The following HMGCLL1 variants were observed in gnomAD, a reference collection of about 807,000 sequenced individuals.
HMGCLL1 encodes the protein 3-hydroxy-3-methylglutaryl-CoA lyase like 1, also known as 3-hydroxymethyl-3-methylglutaryl-CoA lyase, cytoplasmic.
A neutral mutation model predicts 39.1 loss-of-function variants in HMGCLL1; 36 were observed. The ratio of observed to expected loss-of-function variants is 0.92; its 90% CI spans 0.71 to 1.22. The LOEUF (loss-of-function observed/expected upper bound fraction) is 1.22. Among genes scored for constraint, HMGCLL1 ranks in the 50% most tolerant of loss-of-function variants. HMGCLL1 has a pLI of 0.00. For synonymous variants in HMGCLL1, 149 were observed against 144.0 expected, an observed-to-expected ratio of 1.03 and a Z score of -0.25; for missense variants, 451 against 416.5, an observed-to-expected ratio of 1.08 and a Z score of -0.72.
At chr6:55,648,567 A>G in the HMGCLL1 span, among the ~76,000 whole-genome samples, 1 of 75,066 alleles carries the variant, frequency 1.3e-5, no homozygotes, top group Admixed American at 1.5e-4. Flanking sequence ...ACAAACTACC[A>G]TCAGAGAATA....
chr6:55,656,992 T>A, the HMGCLL1 span, among the ~76,000 whole-genome samples: 1 of 151,948 alleles, frequency 6.6e-6, no homozygotes, highest in African/African-American at 2.4e-5. Context: ...AATTTGCTGA[T>A]GAATTAAATA....
At chr6:55,604,544 A>G in the HMGCLL1 span, among the ~76,000 whole-genome samples, 1 of 152,148 alleles carries the variant, frequency 6.6e-6, no homozygotes, top group Admixed American at 6.6e-5. Context: ...AATTTTTGAA[A>G]GTTAGTATAT....
intron 1 of HMGCLL1, among the ~76,000 whole-genome samples, chr6:55,565,480 T>G (rs1423108922): frequency 6.6e-6 from 1 of 152,144 alleles, no homozygotes; most frequent in Non-Finnish European, 1.5e-5. Context: ...TCCCATGTGA[T>G]GTAAGTTGCA....
At chr6:55,477,254 A>ATT (rs1765402054) in intron 7 of HMGCLL1, among the ~76,000 whole-genome samples, 1 of 25,992 alleles carries the variant, frequency 3.8e-5, no homozygotes, top group African/African-American at 2.5e-4. Context: ...TATAATATAT[A>ATT]ATATATATTA....
At chr6:55,586,136 T>C in the HMGCLL1 span, among the ~76,000 whole-genome samples, 2 of 152,220 alleles carry the variant, frequency 1.3e-5, no homozygotes, top group South Asian at 4.1e-4. Context: ...TAGGGAAATA[T>C]AATGTTGCTT....
chr6:55,508,953 C>T (rs2127433016), intron 5 of HMGCLL1, among the ~76,000 whole-genome samples: 1 of 151,878 alleles, frequency 6.6e-6, no homozygotes, highest in East Asian at 1.9e-4. Flanking sequence ...CATATTCTTA[C>T]CTCAAAATGT....
In HMGCLL1 at chr6:55,493,236, T is replaced by G. The variant is rs144951465; in HGVS notation, c.795+2183A>C. The stretch of plus-strand genomic sequence containing the variant: ...AACCCTAAACCCACAAAACGTTGTG[T>G]AGTATAAAGAGATACATCCTATTTC... On this transcript the variant is annotated intron_variant, in intron 7 of 8. Transcript: ENST00000274901. Among the ~76,000 whole-genome samples the G allele has an allele frequency of 5.5e-3, 837 of 152,220 alleles. 10 individuals carry two copies. Among genetic ancestry groups the G allele is most frequent in the South Asian group, 0.033 (158 of 4,816 alleles).
intron 3 of HMGCLL1, among the ~76,000 whole-genome samples, chr6:55,521,820 A>G (rs1412780914): frequency 2.0e-5 from 3 of 152,064 alleles, no homozygotes; most frequent in South Asian, 4.1e-4. Context: ...AGACTCACAT[A>G]TCTCTCACTT....
intron 1 of HMGCLL1, among the ~76,000 whole-genome samples, chr6:55,554,889 T>G (rs1235878697): frequency 6.6e-6 from 1 of 152,224 alleles, no homozygotes. Flanking sequence ...ATCAGATCTA[T>G]CAGCAGATCA....
Position 55,563,986 on chromosome 6 carries a change from C to G in HMGCLL1, c.108+14962G>C, listed in dbSNP as rs901157991. 4.4e-6 allele frequency: 3 copies of G among 679,252 alleles called. No individual in the cohort carries two copies. In the Admixed American group the frequency reaches 7.1e-5, roughly 16 times the overall value. 42.1% of individuals were successfully genotyped at this position (679,252 alleles called of 1,614,324 possible). A position where few individuals can be genotyped will look rare whatever the true frequency, so the allele number is the denominator to read the frequency against. On this transcript the variant is annotated intron_variant, in intron 1 of 8. Coordinates refer to ENST00000274901, the MANE Select transcript of HMGCLL1 (RefSeq NM_001042406.2). ...CTTCTGGCTACCTCAACATTCAGCACGTGCAGTTTTTTGAAATGCTAAGCA... is the reference window on the plus strand; with the variant it reads ...CTTCTGGCTACCTCAACATTCAGCAGGTGCAGTTTTTTGAAATGCTAAGCA...
the HMGCLL1 span, among the ~76,000 whole-genome samples, chr6:55,611,579 A>G: frequency 1.3e-5 from 2 of 152,222 alleles, no homozygotes; most frequent in Admixed American, 1.3e-4. Context: ...ATACTGGCAA[A>G]CCAAATCCAA....
chr6:55,445,859 A>G (rs895481198), intron 7 of HMGCLL1, among the ~76,000 whole-genome samples: 1 of 152,120 alleles, frequency 6.6e-6, no homozygotes, highest in Non-Finnish European at 1.5e-5. Context: ...TTAAAGTCAA[A>G]CATTTACAAC....
At chr6:55,463,036 T>C (rs1279116570) in intron 7 of HMGCLL1, among the ~76,000 whole-genome samples, 4 of 150,802 alleles carry the variant, frequency 2.7e-5, no homozygotes, top group African/African-American at 7.3e-5. Flanking sequence ...TTTCTTTTTT[T>C]TTTTTTTTTT....
the HMGCLL1 span, among the ~76,000 whole-genome samples, chr6:55,631,661 A>G: frequency 1.3e-5 from 2 of 152,268 alleles, no homozygotes; most frequent in Admixed American, 6.6e-5. Flanking sequence ...TAACAATGCA[A>G]TAATTCATTG....
chr6:55,440,588 C>T (rs925615555), intron 7 of HMGCLL1, among the ~76,000 whole-genome samples: 3 of 152,018 alleles, frequency 2.0e-5, no homozygotes, highest in African/African-American at 7.3e-5. Flanking sequence ...GGTAACAATT[C>T]GGTAATCAGA....
chr6:55,667,338 T>C, the HMGCLL1 span, among the ~76,000 whole-genome samples: 3 of 151,830 alleles, frequency 2.0e-5, no homozygotes, highest in Admixed American at 2.0e-4. Context: ...ATACTAAGCA[T>C]AGCTGAAGTT....
At chr6:55,590,699 T>C in the HMGCLL1 span, among the ~76,000 whole-genome samples, 2 of 152,120 alleles carry the variant, frequency 1.3e-5, no homozygotes, top group African/African-American at 4.8e-5. Context: ...GGATACTATA[T>C]GTAAAATGAT....
At chr6:55,443,519 A>C (rs181285687) in intron 7 of HMGCLL1, among the ~76,000 whole-genome samples, 26 of 152,034 alleles carry the variant, frequency 1.7e-4, no homozygotes, top group Non-Finnish European at 2.9e-5. Flanking sequence ...AGAGTGAGGA[A>C]ACAACAGTCA....
intron 7 of HMGCLL1, among the ~76,000 whole-genome samples, chr6:55,480,587 A>C (rs1193337250): frequency 6.6e-6 from 1 of 151,678 alleles, no homozygotes; most frequent in Non-Finnish European, 1.5e-5. Context: ...GAGGTACCGT[A>C]TCTATTTAGG....
Sources: gnomAD v4.1 joint callset for allele counts (sites outside exome capture counted in the v4.1 genomes callset) on GRCh38, gnomAD v4.1.1 for gene constraint, MANE v1.5 for transcripts, NCBI Gene and HGNC (gene_info 2026-07-23, HGNC 2026-07-21) for gene names.